Variants in NOS3 observed in about 807,000 individuals in gnomAD.
The protein encoded by NOS3 is nitric oxide synthase 3, also known as NOS type III.
NOS3 carries 98 observed loss-of-function variants against 144.9 expected under a neutral mutation model. The ratio of observed to expected loss-of-function variants is 0.68; its 90% CI spans 0.57 to 0.80. The LOEUF (loss-of-function observed/expected upper bound fraction) is 0.80, where lower values mean the gene tolerates loss of function less well. Ranked by LOEUF, NOS3 falls within the 30% of genes least tolerant of loss-of-function variation. The probability of loss-of-function intolerance (pLI) is 0.00; values close to 1 mark genes in which losing one functional copy is unlikely to be tolerated. For missense variants in NOS3, 1,465 were observed against 1,656.4 expected, an observed-to-expected ratio of 0.88 and a Z score of 2.01; for synonymous variants, 714 against 702.4, an observed-to-expected ratio of 1.02 and a Z score of -0.26.
Position 150,995,202 on chromosome 7 carries a change from G to GGGAGC in NOS3, c.159-1_159insGGAGC (p.Ser53ArgfsTer9). The stretch of plus-strand genomic sequence containing the variant: ...ATGACCCTATCCCTGGCTCCCAACA[G>GGGAGC]CCCCCCGAGCTCCCCGCTAACCCAG... On this transcript the variant is annotated frameshift_variant and splice_region_variant. Transcript: ENST00000297494. LOFTEE classifies it high-confidence loss of function. 2 of 1,576,492 alleles carry GGGAGC rather than the reference G, an allele frequency of 1.3e-6. No individual in the cohort carries two copies. The highest frequency in any genetic ancestry group is 1.7e-6 in the Non-Finnish European group (2 of 1,148,056).
chr7:150,999,356 A>C lies in NOS3; in HGVS notation c.1123A>C (p.Ile375Leu). 6.4e-7 allele frequency: 1 copy of C among 1,574,538 alleles called. No homozygotes were observed. The highest frequency in any genetic ancestry group is 8.6e-7 in the Non-Finnish European group (1 of 1,158,498). Residue 375 changes from isoleucine to leucine, a missense_variant, in exon 9 of 27, where the codon ATC (isoleucine) becomes CTC (leucine). By Grantham distance (5) the Ile-to-Leu change is conservative (BLOSUM62 2). Transcript: ENST00000297494. ...CCTGTGTGACCCTCACCGCTACAAC[A>C]TCCTGGAGGTGAGGTGCGGGATGGG... Reference protein sequence around the residue: ...RNLCDPHRYNILEDVAVCMDL... With the variant: ...RNLCDPHRYNLLEDVAVCMDL...
intron 17 of NOS3, 198 bp from the exon 18 acceptor site, chr7:151,008,732 A>C: frequency 3.4e-6 from 2 of 582,232 alleles, no homozygotes; most frequent in Non-Finnish European, 5.9e-6. Context: ...ACGTGCAGAG[A>C]AAGAGCCAGC....
At chr7:151,001,674 C>A in intron 12 of NOS3, 57 bp downstream of exon 12, 3 of 1,580,972 alleles carry the variant, frequency 1.9e-6, no homozygotes, top group Non-Finnish European at 2.6e-6. Flanking sequence ...CCACTCTCCC[C>A]CACACACCCT....
At position 151,010,097 on chromosome 7, in the gene NOS3, C is replaced by T. The variant is rs200032919; in HGVS notation, c.2513-18C>T. The T allele has an allele frequency of 2.0e-4, 313 of 1,554,162 alleles. 1 individual carries two copies. The highest frequency in any genetic ancestry group is 5.9e-4 in the Admixed American group (35 of 59,162). ...CTGCTGGGCCCTGTCCTCAGAGCTC[C>T]CTGTGCACTATCCCCAGGTGGCCCT... On this transcript the variant is annotated intron_variant, in intron 20 of 26. Transcript: ENST00000297494.
Position 151,014,329 on chromosome 7 carries a change from A to G in NOS3, c.*160A>G. 1.2e-6 allele frequency: 1 copy of G among 811,710 alleles called. No homozygotes were observed. Among genetic ancestry groups the G allele is most frequent in the Non-Finnish European group, 1.9e-6 (1 of 534,626 alleles). The allele number at this position is 811,710 out of a possible 1,614,324, so 50.3% of individuals were successfully genotyped here. On this transcript the variant is annotated 3_prime_UTR_variant, in exon 27 of 27. Coordinates refer to ENST00000297494, the MANE Select transcript of NOS3 (RefSeq NM_000603.5). The stretch of plus-strand genomic sequence containing the variant: ...CATTATTCCTCCAGGAAGGAGCAAA[A>G]CGCCTCTTTTCCCTCTCTAGGCCTG...
In NOS3 at chr7:150,996,553, G is replaced by T. The variant is rs1252087968; in HGVS notation, c.419+1G>T. On this transcript the variant is annotated splice_donor_variant, in intron 4 of 26. Coordinates refer to ENST00000297494, the MANE Select transcript of NOS3 (RefSeq NM_000603.5). LOFTEE classifies it high-confidence loss of function. The stretch of plus-strand genomic sequence containing the variant: ...ACCAGTACTACAGCTCCATTAAGAG[G>T]TGACAGCTTCCCGGACGCCACAGCC... 1 of 1,591,380 alleles carries T rather than the reference G, an allele frequency of 6.3e-7. No individual in the cohort carries two copies. Among genetic ancestry groups the T allele is most frequent in the Non-Finnish European group, 8.6e-7 (1 of 1,167,904 alleles).
Position 151,011,007 on chromosome 7 carries a change from G to A in NOS3, c.2984+21G>A, listed in dbSNP as rs200294802. On this transcript the variant is annotated intron_variant, in intron 23 of 26. Coordinates refer to ENST00000297494, the MANE Select transcript of NOS3 (RefSeq NM_000603.5). ...CGGGGGTAAGTGAGATGGAAGACTT[G>A]GTGGGGAGCTGCCCAGGGTCAGGGT... 6.3e-6 allele frequency: 10 copies of A among 1,577,278 alleles called. No homozygotes were observed. In the East Asian group the frequency reaches 1.1e-4, roughly 18 times the overall value.
At position 151,001,541 on chromosome 7, in the gene NOS3, C is replaced by A. The variant is rs748023714; in HGVS notation, c.1429-3C>A. 6.2e-7 allele frequency: 1 copy of A among 1,613,876 alleles called. No homozygotes were observed. The highest frequency in any genetic ancestry group is 1.1e-5 in the South Asian group (1 of 91,082). On this transcript the variant is annotated splice_polypyrimidine_tract_variant and splice_region_variant and intron_variant, in intron 11 of 26. Coordinates refer to ENST00000297494, the MANE Select transcript of NOS3 (RefSeq NM_000603.5). ...CCCTCCCAACCCCATCATCTCTCTG[C>A]AGCCAGACCCCTGGAAGGGGAGTGC...
chr7:151,004,001 T>A (rs1231044016), intron 14 of NOS3: 1 of 298,694 alleles, frequency 3.3e-6, no homozygotes. Flanking sequence ...AATTGGTAGG[T>A]CATAGGGTAG....
rs755294998 is a variant in NOS3, at chr7:151,001,311, G to T, written c.1314G>T (p.Arg438Ser). 1.2e-5 allele frequency: 20 copies of T among 1,613,664 alleles called. No individual in the cohort carries two copies. The highest frequency in any genetic ancestry group is 1.6e-4 in the Middle Eastern group (1 of 6,080). ...ACCTGGAGAATGAGCAGAAGGCCAG[G>T]GGGGGCTGCCCTGCAGACTGGGCCT... is the stretch of plus-strand genomic sequence containing the variant. Reference protein sequence around the residue: ...MKHLENEQKARGGCPADWAWI... With the variant: ...MKHLENEQKASGGCPADWAWI... Residue 438 changes from arginine to serine, a missense_variant, in exon 11 of 27, where the codon AGG becomes AGT. This residue lies in a region of NOS3 where 745 missense variants were observed against 853.9 expected (regional missense o/e 0.87). Transcript: ENST00000297494.
Position 151,001,805 on chromosome 7 carries a change from C to CCTT in NOS3, c.1503-14_1503-12dup. On this transcript the variant is annotated splice_polypyrimidine_tract_variant and intron_variant, in intron 12 of 26. Transcript: ENST00000297494. Reference sequence around the variant, plus strand: ...TCTGTGCACCCAGGACACCCTCACACCTTCCTCTCCCGCAGCGCCGTGAAG... The same window carrying CCTT: ...TCTGTGCACCCAGGACACCCTCACACCTTCTTCCTCTCCCGCAGCGCCGTGAAG... The CCTT allele has an allele frequency of 6.2e-7, 1 of 1,613,556 alleles. No homozygotes were observed.
chr7:151,013,334 T>C lies in NOS3; in HGVS notation c.3210T>C (p.Phe1070=). The C allele has an allele frequency of 6.2e-7, 1 of 1,613,962 alleles. No homozygotes were observed. Among genetic ancestry groups the C allele is most frequent in the Non-Finnish European group, 8.5e-7 (1 of 1,179,968 alleles). Residue 1070 remains phenylalanine, a synonymous_variant, in exon 25 of 27, where the codon TTT becomes TTC. Transcript: ENST00000297494. ...EVQNAQQRGV[F]GRVLTAFSRE... ...AGAACGCCCAGCAGCGCGGGGTGTT[T>C]GGCCGAGTCCTCACCGCCTTCTCCC...
chr7:151,012,332 G>A lies in NOS3; in HGVS notation c.2985-19G>A, dbSNP rs889502919. The A allele has an allele frequency of 6.5e-7, 1 of 1,544,838 alleles. No individual in the cohort carries two copies. Among genetic ancestry groups the A allele is most frequent in the African/African-American group, 1.4e-5 (1 of 73,358 alleles). On this transcript the variant is annotated intron_variant, in intron 23 of 26. Transcript: ENST00000297494. ...GCAGGAAAGGCAAAGGGGACCTGAT[G>A]GAGTGTCTCTCCTGCCAGGGCTCCC...
chr7:150,994,734 G>A (rs1042507028), intron 2 of NOS3, among the ~76,000 whole-genome samples: 11 of 152,180 alleles, frequency 7.2e-5, no homozygotes, highest in African/African-American at 2.4e-4. Context: ...TGCCGCTGGT[G>A]GCTCTGGGAG....
At position 151,003,655 on chromosome 7, in the gene NOS3, A is replaced by G. The variant is rs1238520266; in HGVS notation, c.1752+1351A>G. On this transcript the variant is annotated intron_variant, in intron 14 of 26. Coordinates refer to ENST00000297494, the MANE Select transcript of NOS3 (RefSeq NM_000603.5). This position sits in a 1 kb window ranked among gnomAD's most constrained non-coding sequence, Gnocchi z 4.1. ...CAGTTCCTCACGTGAATCCCTTCCC[A>G]GTCTGTCTCCCTGCCAGAAGTGTCT... is the stretch of plus-strand genomic sequence containing the variant. 1 of 758,794 alleles carries G rather than the reference A, an allele frequency of 1.3e-6. No homozygotes were observed. Among genetic ancestry groups the G allele is most frequent in the East Asian group, 6.4e-5 (1 of 15,520 alleles). 47.0% of individuals were successfully genotyped at this position (758,794 alleles called of 1,614,324 possible).
rs3918200 is a variant in NOS3 at position 151,009,653 on chromosome 7, C to A, written c.2512+68C>A. 1,632 of 1,372,984 alleles carry A rather than the reference C, an allele frequency of 1.2e-3. 15 individuals are homozygous for A. The African/African-American group carries it at 0.021, about 18-fold the overall frequency. The allele number at this position is 1,372,984 out of a possible 1,614,324, so 85.1% of individuals were successfully genotyped here. On this transcript the variant is annotated intron_variant, in intron 20 of 26. Coordinates refer to ENST00000297494, the MANE Select transcript of NOS3 (RefSeq NM_000603.5). ...GCCCAGCCCCACCCCCGGCCCCAGGCCTCCAGGAGCTCAGGACCCGACCCA... is the reference window on the plus strand; with the variant it reads ...GCCCAGCCCCACCCCCGGCCCCAGGACTCCAGGAGCTCAGGACCCGACCCA...
At chr7:151,010,378 C>T in intron 21 of NOS3, 91 bp downstream of exon 21, 1 of 1,287,646 alleles carries the variant, frequency 7.8e-7, no homozygotes, top group Non-Finnish European at 1.1e-6. Context: ...GCAAAGTCCC[C>T]CCTGGACTTT....
rs1053831525 is a variant in NOS3, at chr7:151,008,809, G to T, written c.2113-121G>T. ...CGGAAAAGGTGCTGTCCTTGGCGCC[G>T]GCCTCAGCCACTGGGGCTGCCAACC... On this transcript the variant is annotated intron_variant, in intron 17 of 26. Transcript: ENST00000297494. 13 of 1,158,972 alleles carry T rather than the reference G, an allele frequency of 1.1e-5. No individual in the cohort carries two copies. In the African/African-American group the frequency reaches 2.0e-4, roughly 18 times the overall value. The allele number at this position is 1,158,972 out of a possible 1,614,324, so 71.8% of individuals were successfully genotyped here.
In NOS3 at chr7:151,012,337, GTC is replaced by G; in HGVS notation, c.2985-9_2985-8del. On this transcript the variant is annotated splice_polypyrimidine_tract_variant and intron_variant, in intron 23 of 26. Transcript: ENST00000297494. ...AAAGGCAAAGGGGACCTGATGGAGTGTCTCTCCTGCCAGGGCTCCCTCCTTCC... is the reference window on the plus strand; with the variant it reads ...AAAGGCAAAGGGGACCTGATGGAGTGTCTCCTGCCAGGGCTCCCTCCTTCC... The G allele has an allele frequency of 6.5e-7, 1 of 1,547,220 alleles. No individual in the cohort carries two copies. The highest frequency in any genetic ancestry group is 8.7e-7 in the Non-Finnish European group (1 of 1,143,440).
Sources: allele counts gnomAD v4.1 joint callset (sites outside exome capture counted in the v4.1 genomes callset), GRCh38; gene constraint gnomAD v4.1.1; regional missense constraint gnomAD v4.1.1; non-coding constraint Gnocchi (gnomAD v3.1); transcripts MANE v1.5; gene names NCBI Gene and HGNC (gene_info 2026-07-23, HGNC 2026-07-21).